Variants in IKBIP observed in about 807,000 individuals in gnomAD.
The protein encoded by IKBIP is inhibitor of nuclear factor kappa-B kinase-interacting protein.
In IKBIP, 28 loss-of-function variants were observed where a neutral mutation model predicts 31.0. The observed-to-expected ratio is 0.90, with a 90% CI of 0.67 to 1.24. The LOEUF (loss-of-function observed/expected upper bound fraction) is 1.24, where lower values mean the gene tolerates loss of function less well. Ranked by LOEUF, IKBIP falls within the 50% of genes most tolerant of loss-of-function variation. The pLI, the probability that IKBIP is intolerant of heterozygous loss-of-function variation, is 0.00. For missense variants in IKBIP, 453 were observed against 441.9 expected (o/e 1.03, Z -0.23); for synonymous variants, 164 against 160.3 (o/e 1.02, Z -0.17).
chr12:98,636,088 G>A (rs2153300175), intron 1 of IKBIP, among the ~76,000 whole-genome samples: 1 of 152,260 alleles, frequency 6.6e-6, no homozygotes, highest in Non-Finnish European at 1.5e-5. Flanking sequence ...AATTCTTTAG[G>A]CTCAGAAAAA....
At chr12:98,618,625 C>CAA (rs78129850) in intron 2 of IKBIP, among the ~76,000 whole-genome samples, 18,249 of 126,550 alleles carry the variant, frequency 0.14, 1,276 homozygotes, top group Admixed American at 0.16. Context: ...GACTCTGTCT[C>CAA]AAAAAAAAAA....
chr12:98,613,532 C>T, exon 3 of IKBIP: 2 of 860,852 alleles, frequency 2.3e-6, no homozygotes, highest in Non-Finnish European at 3.5e-6. Flanking sequence ...CCAGTCTTCT[C>T]ATGAGAGGTC....
chr12:98,644,709 G>C lies in IKBIP; in HGVS notation c.-8C>G, dbSNP rs762991931. ...GCTCTTCACCTCAGACATGTCTGGA[G>C]ACCCTAGGACGACAAGCCCAGGGCA... On this transcript the variant is annotated 5_prime_UTR_variant, in exon 1 of 3. Coordinates refer to ENST00000299157, the MANE Select transcript of IKBIP (RefSeq NM_153687.4). The C allele has an allele frequency of 6.9e-6, 11 of 1,599,710 alleles. No individual in the cohort carries two copies. In the East Asian group the frequency reaches 2.0e-4, roughly 30 times the overall value.
Position 98,626,264 on chromosome 12 carries a change from T to C in IKBIP, c.800A>G (p.Glu267Gly), listed in dbSNP as rs1261477418. 6.2e-7 allele frequency: 1 copy of C among 1,614,198 alleles called. No individual in the cohort carries two copies. The highest frequency in any genetic ancestry group is 2.2e-5 in the East Asian group (1 of 44,876). The change falls in exon 3 of 3, where the codon GAA becomes GGA. Residue 267 changes from glutamate to glycine, a missense_variant. Physicochemically the swap from Glu to Gly is moderately conservative, Grantham distance 98 (BLOSUM62 -2). Coordinates refer to ENST00000299157, the MANE Select transcript of IKBIP (RefSeq NM_153687.4). The stretch of plus-strand genomic sequence containing the variant: ...TGTTGGCAAATGTGTCTTGCATTCT[T>C]CAACTTTGGGTTCGTAGTCGGAAAG... ...NKLSDYEPKV[E>G]ECKTHLPTIE...
At chr12:98,618,961 T>C (rs1188590196) in intron 2 of IKBIP, among the ~76,000 whole-genome samples, 1 of 152,182 alleles carries the variant, frequency 6.6e-6, no homozygotes, top group East Asian at 1.9e-4. Context: ...ACAAAATAAT[T>C]CTAAGTAGCA....
In IKBIP at chr12:98,624,544, G is replaced by A. The variant is rs551931031; in HGVS notation, c.*1386C>T. 1.7e-5 allele frequency: 17 copies of A among 984,048 alleles called. No individual in the cohort carries two copies. The African/African-American group carries it at 2.4e-4, about 14-fold the overall frequency. The allele number at this position is 984,048 out of a possible 1,614,324, so 61.0% of individuals were successfully genotyped here. ...CCTTTTTGTAACTGACTGCTTTCAA[G>A]TTCTTTGTGTTTAATTCCATCAAAA... On this transcript the variant is annotated 3_prime_UTR_variant, in exon 3 of 3. Coordinates refer to ENST00000299157, the MANE Select transcript of IKBIP (RefSeq NM_153687.4).
chr12:98,644,630 G>A lies in IKBIP; in HGVS notation c.72C>T (p.Ser24=). 4 of 1,610,604 alleles carry A rather than the reference G, an allele frequency of 2.5e-6. No homozygotes were observed. Among genetic ancestry groups the A allele is most frequent in the Non-Finnish European group, 3.4e-6 (4 of 1,179,162 alleles). The change falls in exon 1 of 3, where the codon AGC becomes AGT. Residue 24 remains serine, a synonymous_variant. Transcript: ENST00000299157. ...GAPAAEPGKR[S]EGGKTPVARS... ...GGGCCACGGGGGTCTTCCCGCCCTC[G>A]CTCCGCTTCCCGGGCTCCGCAGCAG...
rs770488657 is a variant in IKBIP at position 98,625,480 on chromosome 12, G to T, written c.*450C>A. On this transcript the variant is annotated 3_prime_UTR_variant, in exon 3 of 3. Coordinates refer to ENST00000299157, the MANE Select transcript of IKBIP (RefSeq NM_153687.4). ...CTAAGAAAGTGAACTGGCTGAGGCA[G>T]GCACATTACCAACCAACCTGACAGT... 1.5e-5 allele frequency: 3 copies of T among 203,448 alleles called. No individual in the cohort carries two copies. Among genetic ancestry groups the T allele is most frequent in the Middle Eastern group, 2.5e-3 (1 of 406 alleles). 12.6% of individuals were successfully genotyped at this position (203,448 alleles called of 1,614,324 possible). A position where few individuals can be genotyped will look rare whatever the true frequency, so the allele number is the denominator to read the frequency against.
In IKBIP at chr12:98,625,095, C is replaced by T. The variant is rs1356103065; in HGVS notation, c.*835G>A. 4 of 981,498 alleles carry T rather than the reference C, an allele frequency of 4.1e-6. No homozygotes were observed. Among genetic ancestry groups the T allele is most frequent in the Non-Finnish European group, 3.6e-6 (3 of 826,552 alleles). The allele number at this position is 981,498 out of a possible 1,614,324, so 60.8% of individuals were successfully genotyped here. On this transcript the variant is annotated 3_prime_UTR_variant, in exon 3 of 3. Transcript: ENST00000299157. ...CTAGGATTACAGGTGTGAGCCACTG[C>T]GCCTGGCCTATTTAAGTAAACCATC...
At chr12:98,629,644 T>C (rs11109552) in intron 2 of IKBIP, among the ~76,000 whole-genome samples, 3,936 of 152,230 alleles carry the variant, frequency 0.026, 157 homozygotes, top group African/African-American at 0.087. Context: ...AATGTACACA[T>C]ACAGCCATAA....
chr12:98,618,881 G>T (rs1332124219), intron 2 of IKBIP, among the ~76,000 whole-genome samples: 1 of 152,100 alleles, frequency 6.6e-6, no homozygotes, highest in Non-Finnish European at 1.5e-5. Flanking sequence ...TATTTTGAGG[G>T]CAGCTTTAAA....
At chr12:98,630,441 G>GT (rs1489401030) in intron 2 of IKBIP, among the ~76,000 whole-genome samples, 1 of 124,006 alleles carries the variant, frequency 8.1e-6, no homozygotes, top group African/African-American at 3.1e-5. Context: ...GTGCTTGATT[G>GT]TTTTCAAAGA....
intron 1 of IKBIP, among the ~76,000 whole-genome samples, chr12:98,639,103 T>C (rs1003397693): frequency 3.3e-5 from 5 of 151,594 alleles, no homozygotes; most frequent in Admixed American, 6.6e-5. Context: ...TGCAGTGGTG[T>C]GATCTCGGCT....
chr12:98,618,505 A>G (rs993538820), intron 2 of IKBIP, among the ~76,000 whole-genome samples: 4 of 151,994 alleles, frequency 2.6e-5, no homozygotes, highest in African/African-American at 9.7e-5. Context: ...GGGCGCCTGT[A>G]GTCCCAGCTA....
At position 98,644,616 on chromosome 12, in the gene IKBIP, G is replaced by A. The variant is rs776973655; in HGVS notation, c.86C>T (p.Thr29Ile). 1.3e-5 allele frequency: 21 copies of A among 1,610,244 alleles called. No homozygotes were observed. Among genetic ancestry groups the A allele is most frequent in the Non-Finnish European group, 1.8e-5 (21 of 1,179,004 alleles). ...GCCTCCGCTGCTCCGGGCCACGGGG[G>A]TCTTCCCGCCCTCGCTCCGCTTCCC... ...EPGKRSEGGKTPVARSSGGGG... is the reference protein window; with the variant it reads ...EPGKRSEGGKIPVARSSGGGG... Residue 29 changes from threonine to isoleucine, a missense_variant, in exon 1 of 3, where the codon ACC becomes ATC. Thr to Ile is a moderately conservative substitution (Grantham distance 89). Transcript: ENST00000299157.
chr12:98,619,578 G>A (rs1386049258), downstream of IKBIP, among the ~76,000 whole-genome samples: 1 of 152,070 alleles, frequency 6.6e-6, no homozygotes, highest in Non-Finnish European at 1.5e-5. Flanking sequence ...ATTTGCCTAG[G>A]ATGGATAGAA....
intron 2 of IKBIP, among the ~76,000 whole-genome samples, chr12:98,633,510 CTTTTTT>C (rs71432181): frequency 2.8e-4 from 17 of 61,370 alleles, no homozygotes; most frequent in East Asian, 6.0e-4. Flanking sequence ...TTTTTTAATT[CTTTTTT>C]TTTTTTTTTT....
rs75499730 is a variant in IKBIP, at chr12:98,617,816, T to A, written c.298-3476A>T. Among the ~76,000 whole-genome samples the A allele has an allele frequency of 4.6e-3, 696 of 152,334 alleles. 9 individuals carry two copies. The highest frequency in any genetic ancestry group is 0.016 in the African/African-American group (663 of 41,574). On this transcript the variant is annotated intron_variant, in intron 2 of 2. Coordinates refer to the IKBIP transcript ENST00000342502. ...TACAGTAATTACTCTGGAAAAAGAATCCCATTTATAATGTGTAAGTCAATC... is the reference window on the plus strand; with the variant it reads ...TACAGTAATTACTCTGGAAAAAGAAACCCATTTATAATGTGTAAGTCAATC...
At chr12:98,639,842 T>C (rs1056458905) in intron 1 of IKBIP, among the ~76,000 whole-genome samples, 2 of 152,254 alleles carry the variant, frequency 1.3e-5, no homozygotes, top group Non-Finnish European at 2.9e-5. Context: ...AGTACCCATT[T>C]AGCCCTATGT....
Sources: allele counts gnomAD v4.1 joint callset (sites outside exome capture counted in the v4.1 genomes callset), GRCh38; gene constraint gnomAD v4.1.1; transcripts MANE v1.5; gene names NCBI Gene and HGNC (gene_info 2026-07-23, HGNC 2026-07-21).